Variants in FYN observed in about 807,000 individuals in gnomAD.
FYN encodes the protein FYN proto-oncogene, Src family tyrosine kinase, also known as tyrosine-protein kinase Fyn.
Under a neutral mutation model 70.2 loss-of-function variants are expected in FYN, and 10 were observed. The observed-to-expected ratio is 0.14, with a 90% confidence interval of 0.09 to 0.24. The LOEUF (loss-of-function observed/expected upper bound fraction) is 0.24. FYN is among the 10% of genes least tolerant of loss of function. FYN has a pLI of 1.00. For synonymous variants in FYN, 236 were observed against 248.6 expected, an observed-to-expected ratio of 0.95 and a Z score of 0.48; for missense variants, 319 against 673.1, an observed-to-expected ratio of 0.47 and a Z score of 5.82.
intron 6 of FYN, among the ~76,000 whole-genome samples, chr6:111,704,752 T>TCAAAA (rs1183364617): frequency 8.1e-5 from 12 of 147,618 alleles, no homozygotes; most frequent in African/African-American, 3.0e-4. Context: ...AAGCCGTGTC[T>TCAAAA]CAAAACAAAA....
chr6:111,802,507 A>G (rs1024414516), intron 2 of FYN, among the ~76,000 whole-genome samples: 10 of 151,742 alleles, frequency 6.6e-5, no homozygotes, highest in Non-Finnish European at 1.3e-4. Context: ...ACCTTGGCTC[A>G]CTGCAACCTC....
chr6:111,797,411 A>G (rs1771839755), intron 2 of FYN, among the ~76,000 whole-genome samples: 1 of 151,900 alleles, frequency 6.6e-6, no homozygotes, highest in East Asian at 1.9e-4. Flanking sequence ...TTATATTTTC[A>G]CCAAACCTAG....
intron 1 of FYN, among the ~76,000 whole-genome samples, chr6:111,848,883 A>T (rs1773605098): frequency 6.6e-6 from 1 of 152,236 alleles, no homozygotes; most frequent in Admixed American, 6.5e-5. Context: ...ATCATTTTTT[A>T]AAAATTGACC....
chr6:111,776,692 G>A (rs1341891134), intron 3 of FYN, among the ~76,000 whole-genome samples: 1 of 152,150 alleles, frequency 6.6e-6, no homozygotes, highest in Non-Finnish European at 1.5e-5. Flanking sequence ...AGCCGGGTGA[G>A]TGCATCCCAA....
chr6:111,834,325 A>G (rs1773112144), intron 2 of FYN, among the ~76,000 whole-genome samples: 1 of 152,110 alleles, frequency 6.6e-6, no homozygotes, highest in African/African-American at 2.4e-5. Flanking sequence ...GAGTGTGGAT[A>G]CACATACACA....
intron 5 of FYN, among the ~76,000 whole-genome samples, chr6:111,711,671 T>C (rs891515227): frequency 2.0e-5 from 3 of 152,200 alleles, no homozygotes; most frequent in Non-Finnish European, 2.9e-5. Flanking sequence ...GCAGCTGCCC[T>C]GGCAGAACAG....
chr6:111,869,657 G>C (rs1268868296), intron 1 of FYN, among the ~76,000 whole-genome samples: 2 of 152,252 alleles, frequency 1.3e-5, no homozygotes, highest in Admixed American at 1.3e-4. Context: ...GCCTCCCAAA[G>C]TGCTGGGATT....
At chr6:111,788,660 C>A (rs753248856) in intron 2 of FYN, among the ~76,000 whole-genome samples, 75 of 152,208 alleles carry the variant, frequency 4.9e-4, no homozygotes, top group Non-Finnish European at 9.7e-4. Context: ...TATAGTCCTA[C>A]AACCTGCCAT....
chr6:111,675,392 CT>C (rs1218933769), intron 12 of FYN, among the ~76,000 whole-genome samples: 4 of 152,064 alleles, frequency 2.6e-5, no homozygotes, highest in African/African-American at 9.7e-5. Context: ...CAGTGGAGTC[CT>C]TTTTTTCAAA....
intron 1 of FYN, among the ~76,000 whole-genome samples, chr6:111,860,345 C>A (rs1773929715): frequency 6.6e-6 from 1 of 152,188 alleles, no homozygotes. Flanking sequence ...TCTAGCTCAA[C>A]CATGGGCTAG....
chr6:111,775,963 A>T (rs559219393), intron 3 of FYN, among the ~76,000 whole-genome samples: 17 of 152,294 alleles, frequency 1.1e-4, no homozygotes, highest in African/African-American at 3.9e-4. Context: ...GCATTTCTCC[A>T]GCCCCTAGGT....
intron 13 of FYN, among the ~76,000 whole-genome samples, chr6:111,666,417 A>T (rs1798009156): frequency 6.6e-6 from 1 of 151,766 alleles, no homozygotes; most frequent in Non-Finnish European, 1.5e-5. Flanking sequence ...GCCACTGCCC[A>T]ATTTTGTTCC....
chr6:111,811,678 C>T (rs1286203667), intron 2 of FYN, among the ~76,000 whole-genome samples: 1 of 152,102 alleles, frequency 6.6e-6, no homozygotes. Flanking sequence ...GCAAGGGAGG[C>T]TCATCCCTAT....
chr6:111,805,475 G>A (rs935415536), intron 2 of FYN, among the ~76,000 whole-genome samples: 3 of 152,150 alleles, frequency 2.0e-5, no homozygotes, highest in Admixed American at 1.3e-4. Flanking sequence ...CATGTGAGAC[G>A]CTGCTGTTGT....
At chr6:111,813,901 C>T (rs1212460278) in intron 2 of FYN, 1 of 152,172 alleles carries the variant, frequency 6.6e-6, no homozygotes, top group Non-Finnish European at 1.5e-5. Flanking sequence ...CCTCTAAGTT[C>T]CCGTGGCTCT....
At chr6:111,809,833 A>G (rs1230273968) in intron 2 of FYN, among the ~76,000 whole-genome samples, 1 of 152,210 alleles carries the variant, frequency 6.6e-6, no homozygotes, top group Admixed American at 6.5e-5. Context: ...TCAAGGGAAA[A>G]TATATATTTT....
chr6:111,797,736 C>G (rs940620139), intron 2 of FYN, among the ~76,000 whole-genome samples: 1 of 144,298 alleles, frequency 6.9e-6, no homozygotes, highest in African/African-American at 2.5e-5. Context: ...ACATGACACA[C>G]CCCTCCCAAA....
intron 2 of FYN, among the ~76,000 whole-genome samples, chr6:111,783,741 A>G (rs1486499236): frequency 1.3e-5 from 2 of 152,172 alleles, no homozygotes; most frequent in African/African-American, 2.4e-5. Flanking sequence ...AAGAGCCCCC[A>G]TATTTCTGCA....
chr6:111,792,961 G>A (rs1010790747), intron 2 of FYN, among the ~76,000 whole-genome samples: 2 of 152,174 alleles, frequency 1.3e-5, no homozygotes, highest in Non-Finnish European at 2.9e-5. Context: ...GGTTACAAAG[G>A]AGAGTTCACT....
Sources: gnomAD v4.1 joint callset for allele counts (sites outside exome capture counted in the v4.1 genomes callset) on GRCh38, gnomAD v4.1.1 for gene constraint, MANE v1.5 for transcripts, NCBI Gene and HGNC (gene_info 2026-07-23, HGNC 2026-07-21) for gene names.